COL6A6: variants seen among roughly 807,000 people sequenced by gnomAD.
COL6A6 encodes the protein collagen alpha-6(VI) chain.
COL6A6 carries 183 observed loss-of-function variants against 208.6 expected under a neutral mutation model. The observed-to-expected ratio is 0.88, with a 90% CI of 0.78 to 0.99. The LOEUF (loss-of-function observed/expected upper bound fraction) is 0.99. Ranked by LOEUF, COL6A6 falls within the 50% of genes least tolerant of loss-of-function variation. COL6A6 has a pLI of 0.00. For synonymous variants in COL6A6, 973 were observed against 1,011.8 expected, an observed-to-expected ratio of 0.96 and a Z score of 0.73; for missense variants, 2,816 against 2,815.2, an observed-to-expected ratio of 1.00 and a Z score of -0.01.
intron 1 of COL6A6, among the ~76,000 whole-genome samples, chr3:130,559,250 T>C (rs1236351860): frequency 6.6e-6 from 1 of 152,256 alleles, no homozygotes; most frequent in Non-Finnish European, 1.5e-5. Context: ...AAAAGGTTTG[T>C]ACTACACATT....
chr3:130,567,040 C>G lies in COL6A6; in HGVS notation c.1621C>G (p.Leu541Val), dbSNP rs750228240. The G allele has an allele frequency of 6.2e-7, 1 of 1,613,928 alleles. No individual in the cohort carries two copies. The highest frequency in any genetic ancestry group is 8.5e-7 in the Non-Finnish European group (1 of 1,179,912). Residue 541 changes from leucine (L) to valine (V), a missense_variant, in exon 5 of 37, where the codon CTT becomes GTT. Coordinates refer to ENST00000358511, the MANE Select transcript of COL6A6 (RefSeq NM_001102608.3). ...GCGAGGAAACAAAGTTCCATGCCAC[C>G]TTGTTGTCCTGACAAATGGCATGTC... Reference protein sequence around the residue: ...KQRGNKVPCHLVVLTNGMSKD... With the variant: ...KQRGNKVPCHVVVLTNGMSKD...
chr3:130,635,911 G>GAAGAGGCAGAAGA, intron 28 of COL6A6, 150 bp downstream of exon 28: 1 of 627,734 alleles, frequency 1.6e-6, no homozygotes. Flanking sequence ...AAGGGGAATG[G>GAAGAGGCAGAAGA]ATAGTCATCT....
chr3:130,537,984 A>G (rs1322356239), intron 1 of COL6A6, among the ~76,000 whole-genome samples: 1 of 152,232 alleles, frequency 6.6e-6, no homozygotes, highest in Non-Finnish European at 1.5e-5. Flanking sequence ...AACTTAAAGA[A>G]ATTTCCAGTG....
At chr3:130,665,697 T>C (rs987934684) in intron 36 of COL6A6, among the ~76,000 whole-genome samples, 5 of 152,216 alleles carry the variant, frequency 3.3e-5, no homozygotes, top group African/African-American at 7.2e-5. Context: ...ATGTTCTCTA[T>C]ACAAGAATGC....
chr3:130,537,391 G>T (rs73870077), intron 1 of COL6A6, among the ~76,000 whole-genome samples: 8,569 of 152,160 alleles, frequency 0.056, 829 homozygotes, highest in African/African-American at 0.2. Flanking sequence ...GCTGTTATTC[G>T]TTCCAGAAAC....
At chr3:130,613,056 G>A (rs1009822531) in intron 23 of COL6A6, among the ~76,000 whole-genome samples, 1 of 152,076 alleles carries the variant, frequency 6.6e-6, no homozygotes, top group Admixed American at 6.6e-5. Context: ...TGTTGCAATC[G>A]CCTTTGTCAT....
At chr3:130,571,842 A>ATT (rs67080729) in intron 7 of COL6A6, among the ~76,000 whole-genome samples, 5,812 of 110,782 alleles carry the variant, frequency 0.052, 564 homozygotes, top group African/African-American at 0.16. Context: ...GGCATGGCTA[A>ATT]TTTTTTTTTT....
intron 36 of COL6A6, among the ~76,000 whole-genome samples, chr3:130,665,845 G>T (rs1010603068): frequency 6.6e-6 from 1 of 152,144 alleles, no homozygotes; most frequent in African/African-American, 2.4e-5. Flanking sequence ...AGGTTGTTGG[G>T]GAACAGGCTG....
chr3:130,672,033 CTT>C (rs1431898276), intron 36 of COL6A6, among the ~76,000 whole-genome samples: 3 of 152,196 alleles, frequency 2.0e-5, no homozygotes, highest in African/African-American at 7.2e-5. Context: ...TATAATTCTG[CTT>C]TCCAAAGTAC....
At chr3:130,653,369 C>T (rs923953734) in intron 33 of COL6A6, among the ~76,000 whole-genome samples, 3 of 152,112 alleles carry the variant, frequency 2.0e-5, no homozygotes, top group Non-Finnish European at 4.4e-5. Flanking sequence ...GGGGAGACTT[C>T]TCATGGAAAA....
intron 10 of COL6A6, among the ~76,000 whole-genome samples, chr3:130,583,723 G>T (rs956830286): frequency 2.0e-5 from 3 of 152,222 alleles, no homozygotes; most frequent in African/African-American, 7.2e-5. Flanking sequence ...TCACCTGTCA[G>T]ACTTACACCA....
At chr3:130,534,303 A>G (rs75959037) in intron 1 of COL6A6, among the ~76,000 whole-genome samples, 5,894 of 152,210 alleles carry the variant, frequency 0.039, 360 homozygotes, top group African/African-American at 0.12. Context: ...TTGACCATTC[A>G]GATTACCTCT....
intron 1 of COL6A6, among the ~76,000 whole-genome samples, chr3:130,521,076 C>T (rs542423083): frequency 4.6e-5 from 7 of 152,110 alleles, no homozygotes; most frequent in African/African-American, 1.7e-4. Context: ...ATACATGTAA[C>T]CATTTTAAAA....
intron 1 of COL6A6, among the ~76,000 whole-genome samples, chr3:130,520,045 G>C (rs1710974077): frequency 6.6e-6 from 1 of 152,206 alleles, no homozygotes; most frequent in Non-Finnish European, 1.5e-5. Context: ...TCCTGGAAGA[G>C]ATGTTTGAGG....
chr3:130,587,875 T>A (rs2063577835), intron 11 of COL6A6, among the ~76,000 whole-genome samples: 1 of 152,230 alleles, frequency 6.6e-6, no homozygotes, highest in African/African-American at 2.4e-5. Context: ...GTGTCTTTTT[T>A]TCCTGTCGAC....
intron 17 of COL6A6, 75 bp downstream of exon 17, chr3:130,593,327 G>T (rs751784730): frequency 1.9e-5 from 22 of 1,129,836 alleles, no homozygotes; most frequent in Non-Finnish European, 2.9e-5. Flanking sequence ...AGAATACTCA[G>T]TCAGCTATTG....
chr3:130,664,696 A>T (rs2066027876), intron 35 of COL6A6, among the ~76,000 whole-genome samples: 1 of 152,194 alleles, frequency 6.6e-6, no homozygotes, highest in Non-Finnish European at 1.5e-5. Context: ...GTTTATATCA[A>T]TTAAAAGCCA....
chr3:130,553,635 G>A (rs2062697996), intron 1 of COL6A6, among the ~76,000 whole-genome samples: 1 of 148,438 alleles, frequency 6.7e-6, no homozygotes, highest in Admixed American at 6.7e-5. Flanking sequence ...CCATACTCTG[G>A]GTTTTTTTTT....
intron 1 of COL6A6, among the ~76,000 whole-genome samples, chr3:130,548,265 T>C (rs1045428500): frequency 2.0e-5 from 3 of 152,226 alleles, no homozygotes; most frequent in Admixed American, 1.3e-4. Flanking sequence ...CTGCAGTCAA[T>C]AGGCCTTTGG....
Sources: gnomAD v4.1 joint callset for allele counts (sites outside exome capture counted in the v4.1 genomes callset) on GRCh38, gnomAD v4.1.1 for gene constraint, MANE v1.5 for transcripts, NCBI Gene and HGNC (gene_info 2026-07-23, HGNC 2026-07-21) for gene names.